Variants in ZP4 observed in about 807,000 individuals in gnomAD.
The protein encoded by ZP4 is zona pellucida sperm-binding protein 4.
A neutral mutation model predicts 62.3 loss-of-function variants in ZP4; 62 were observed. That is an observed-to-expected ratio of 0.99 (90% confidence interval 0.81 to 1.23). ZP4 has a LOEUF of 1.23. Among genes scored for constraint, ZP4 ranks in the 50% most tolerant of loss-of-function variants. The pLI is 0.00. For missense variants in ZP4, 774 were observed against 656.0 expected (o/e 1.18, Z -1.97); for synonymous variants, 289 against 247.3 (o/e 1.17, Z -1.58).
chr1:237,885,429 G>T lies in ZP4; in HGVS notation c.1122C>A (p.Asp374Glu), dbSNP rs780515856. 5 of 1,613,310 alleles carry T rather than the reference G, an allele frequency of 3.1e-6. No individual in the cohort carries two copies. Among genetic ancestry groups the T allele is most frequent in the Middle Eastern group, 1.6e-4 (1 of 6,082 alleles). The change falls in exon 8 of 12, where the codon GAC becomes GAA. Residue 374 changes from aspartate to glutamate, a missense_variant. By Grantham distance (45) the Asp-to-Glu change is conservative (BLOSUM62 2). Transcript: ENST00000366570. The stretch of plus-strand genomic sequence containing the variant: ...TGGGCCACTGTGGCTGACTCAGGGG[G>T]TCAGTGCTGGGTGTTGCCCAACACT... ...LQQCWATPSTDPLSQPQWPIL... is the reference protein window; with the variant it reads ...LQQCWATPSTEPLSQPQWPIL...
At position 237,890,498 on chromosome 1, in the gene ZP4, G is replaced by A; in HGVS notation, c.138C>T (p.Asn46=). 6.2e-7 allele frequency: 1 copy of A among 1,613,960 alleles called. No individual in the cohort carries two copies. The highest frequency in any genetic ancestry group is 8.5e-7 in the Non-Finnish European group (1 of 1,179,996). The part of the protein sequence containing the change: ...PWSFQFAVNL[N]QEATSPPVLI... ...GTACAGGAGGAGACGTTGCCTCCTG[G>A]TTGAGGTTTACAGCAAACTGGAAGC... Residue 46 remains asparagine (N), a synonymous_variant, in exon 1 of 12, where the codon AAC becomes AAT. Coordinates refer to ENST00000366570, the MANE Select transcript of ZP4 (RefSeq NM_021186.5).
chr1:237,889,154 G>A (rs746146144), intron 3 of ZP4, among the ~76,000 whole-genome samples: 2 of 152,072 alleles, frequency 1.3e-5, no homozygotes, highest in Non-Finnish European at 2.9e-5. Flanking sequence ...CTAGCTCTGT[G>A]GAGGTATTTT....
At chr1:237,888,143 A>C (rs750733986) in intron 4 of ZP4, among the ~76,000 whole-genome samples, 19 of 152,362 alleles carry the variant, frequency 1.2e-4, no homozygotes, top group East Asian at 3.9e-4. Flanking sequence ...ATAGCCTTCA[A>C]GTCTGAGCGT....
chr1:237,883,440 C>T (rs879556499), intron 10 of ZP4, among the ~76,000 whole-genome samples: 12 of 151,162 alleles, frequency 7.9e-5, no homozygotes, highest in African/African-American at 2.2e-4. Context: ...AAAGGCCGGG[C>T]GTGGTGGCTC....
At chr1:237,887,888 T>C (rs976893980) in intron 4 of ZP4, among the ~76,000 whole-genome samples, 1 of 151,978 alleles carries the variant, frequency 6.6e-6, no homozygotes, top group Non-Finnish European at 1.5e-5. Flanking sequence ...GCGTGTGCGA[T>C]TATTAGGTTG....
rs143509161 is a variant in ZP4 at position 237,890,573 on chromosome 1, A to T, written c.63T>A (p.His21Gln). Residue 21 changes from histidine (H) to glutamine (Q), a missense_variant, in exon 1 of 12, where the codon CAT (histidine) becomes CAA (glutamine). Coordinates refer to ENST00000366570, the MANE Select transcript of ZP4 (RefSeq NM_021186.5). Reference sequence around the variant, plus strand: ...TGGAATAATCTGGTGCCTCAGGCTTATGCTGGCCACTCACAGCAAGAGATA... The same window carrying T: ...TGGAATAATCTGGTGCCTCAGGCTTTTGCTGGCCACTCACAGCAAGAGATA... ...VSLSLAVSGQ[H>Q]KPEAPDYSSV... 120 of 1,614,134 alleles carry T rather than the reference A, an allele frequency of 7.4e-5. No homozygotes were observed. The highest frequency in any genetic ancestry group is 2.7e-4 in the Admixed American group (16 of 60,022).
chr1:237,884,029 C>CAA (rs1665030743), intron 10 of ZP4, among the ~76,000 whole-genome samples: 1 of 94,100 alleles, frequency 1.1e-5, no homozygotes, highest in Non-Finnish European at 2.2e-5. Context: ...CACACACACA[C>CAA]ACAAACACAC....
chr1:237,884,824 TG>T lies in ZP4; in HGVS notation c.1334del (p.Ser445Ter). The stretch of plus-strand genomic sequence containing the variant: ...ATGGTGTCTCAGCAGGCTGGCAGAC[TG>T]ACACGCTGCAGTGCAGATGCACCTG... ...RGPVHLHCSV[S>X]VCQPAETPSC... On this transcript the variant is annotated frameshift_variant, in exon 10 of 12. Transcript: ENST00000366570. LOFTEE classifies it high-confidence loss of function. 1 of 1,613,698 alleles carries T rather than the reference TG, an allele frequency of 6.2e-7. No individual in the cohort carries two copies. The highest frequency in any genetic ancestry group is 1.1e-5 in the South Asian group (1 of 90,864).
rs749791394 is a variant in ZP4, at chr1:237,884,848, C to T, written c.1312-1G>A. ...CTGACACGCTGCAGTGCAGATGCAC[C>T]TGGGAGCCAACAGAATTCAGGTCAT... On this transcript the variant is annotated splice_acceptor_variant, in intron 9 of 11. Transcript: ENST00000366570. LOFTEE classifies it high-confidence loss of function. 9 of 1,612,724 alleles carry T rather than the reference C, an allele frequency of 5.6e-6. No individual in the cohort carries two copies. The South Asian group carries it at 7.7e-5, about 14-fold the overall frequency.
At position 237,882,544 on chromosome 1, in the gene ZP4, G is replaced by T; in HGVS notation, c.1501C>A (p.Pro501Thr). ...ACCCACAGAACTTTCGAGTCTACAG[G>T]AACACCTGGAGGATGGATGGAAAGG... ...TKDPPEKLRV[P>T]VDSKVLWVAG... Residue 501 changes from proline (P) to threonine (T), a missense_variant, in exon 12 of 12, where the codon CCT becomes ACT. By Grantham distance (38) the Pro-to-Thr change is conservative. Coordinates refer to ENST00000366570, the MANE Select transcript of ZP4 (RefSeq NM_021186.5). The T allele has an allele frequency of 6.3e-7, 1 of 1,599,838 alleles. No homozygotes were observed. Among genetic ancestry groups the T allele is most frequent in the Non-Finnish European group, 8.5e-7 (1 of 1,175,548 alleles).
rs1215577126 is a variant in ZP4 at position 237,887,439 on chromosome 1, C to A, written c.676G>T (p.Val226Leu). The change falls in exon 5 of 12, where the codon GTG becomes TTG. Residue 226 changes from valine (V) to leucine (L), a missense_variant. Transcript: ENST00000366570. ...AGAACAAAAGCTTGTGTTGCCATCA[C>A]AGGGTTACACGCACTGTCATTCCTA... ...ALRNDSACNPVMATQAFVLFQ... is the reference protein window; with the variant it reads ...ALRNDSACNPLMATQAFVLFQ... 1.9e-6 allele frequency: 3 copies of A among 1,614,046 alleles called. No homozygotes were observed. In the African/African-American group the frequency reaches 4.0e-5, roughly 22 times the overall value.
At chr1:237,890,297 C>G in intron 1 of ZP4, 121 bp from the exon 2 acceptor site, 1 of 1,537,418 alleles carries the variant, frequency 6.5e-7, no homozygotes, top group Non-Finnish European at 8.9e-7. Flanking sequence ...AGAGGGAAAT[C>G]AGATTCAGAT....
rs1390496905 is a variant in ZP4 at position 237,885,881 on chromosome 1, T to G, written c.845A>C (p.His282Pro). 3 of 1,613,970 alleles carry G rather than the reference T, an allele frequency of 1.9e-6. No individual in the cohort carries two copies. The highest frequency in any genetic ancestry group is 2.2e-5 in the South Asian group (2 of 91,074). ...SVTRDSIFRL[H>P]VSCSYSVSSN... is the part of the protein sequence containing the mutation. ...ACTTACTGAGTAGCTGCAGCTGACA[T>G]GGAGCCTGCAGAGAAACAAGATTTT... Residue 282 changes from histidine to proline, a missense_variant, in exon 7 of 12, where the codon CAT becomes CCT. Coordinates refer to ENST00000366570, the MANE Select transcript of ZP4 (RefSeq NM_021186.5).
intron 10 of ZP4, among the ~76,000 whole-genome samples, chr1:237,883,997 C>CACACACAA (rs1665018725): frequency 1.2e-4 from 12 of 98,942 alleles, no homozygotes; most frequent in Admixed American, 2.0e-4. Flanking sequence ...CACACACACA[C>CACACACAA]ACACACACAC....
Position 237,882,785 on chromosome 1 carries a change from G to C in ZP4, c.1452C>G (p.Pro484=). The C allele has an allele frequency of 6.2e-7, 1 of 1,614,116 alleles. No individual in the cohort carries two copies. Among genetic ancestry groups the C allele is most frequent in the Non-Finnish European group, 8.5e-7 (1 of 1,180,006 alleles). ...NTTASVSSKG[P]MILLQATKDP... is the part of the protein sequence containing the mutation. ...CCTTAGTGGCTTGGAGTAGAATCAT[G>C]GGGCCTTTGCTAGAAACACTAGCAG... Residue 484 remains proline, a synonymous_variant, in exon 11 of 12, where the codon CCC becomes CCG. Coordinates refer to ENST00000366570, the MANE Select transcript of ZP4 (RefSeq NM_021186.5).
chr1:237,889,972 G>A lies in ZP4; in HGVS notation c.298-3C>T. The stretch of plus-strand genomic sequence containing the variant: ...ACTGGCATGATGTAGTGGGAGTCCT[G>A]GAGAGACAGGCCCTTGGGGGTCAGC... On this transcript the variant is annotated splice_polypyrimidine_tract_variant and splice_region_variant and intron_variant, in intron 2 of 11. Coordinates refer to ENST00000366570, the MANE Select transcript of ZP4 (RefSeq NM_021186.5). 1.9e-6 allele frequency: 3 copies of A among 1,614,142 alleles called. No individual in the cohort carries two copies. Among genetic ancestry groups the A allele is most frequent in the Non-Finnish European group, 2.5e-6 (3 of 1,180,028 alleles).
intron 10 of ZP4, among the ~76,000 whole-genome samples, chr1:237,884,524 G>T (rs973677415): frequency 6.6e-6 from 1 of 152,172 alleles, no homozygotes; most frequent in Non-Finnish European, 1.5e-5. Context: ...TGCCTTGGTT[G>T]GTGGATGAAT....
intron 3 of ZP4, 100 bp from the exon 4 acceptor site, chr1:237,888,610 T>C (rs1571935065): frequency 8.5e-7 from 1 of 1,175,624 alleles, no homozygotes; most frequent in Non-Finnish European, 1.2e-6. Flanking sequence ...TGTAGATATG[T>C]AGATGATTGA....
At chr1:237,883,985 C>CACACACAA in intron 10 of ZP4, among the ~76,000 whole-genome samples, 1 of 29,870 alleles carries the variant, frequency 3.3e-5, no homozygotes, top group Non-Finnish European at 6.9e-5. Flanking sequence ...CACACACAAA[C>CACACACAA]ACACACACAC....
Sources: gnomAD v4.1 joint callset for allele counts (sites outside exome capture counted in the v4.1 genomes callset) on GRCh38, gnomAD v4.1.1 for gene constraint, MANE v1.5 for transcripts, NCBI Gene and HGNC (gene_info 2026-07-23, HGNC 2026-07-21) for gene names.